The following CRACD variants were observed in gnomAD, a reference collection of about 807,000 sequenced individuals.
The protein encoded by CRACD is capping protein inhibiting regulator of actin dynamics, also known as capping protein-inhibiting regulator of actin dynamics.
In CRACD, 56 loss-of-function variants were observed where a neutral mutation model predicts 106.8. The observed-to-expected ratio is 0.52, with a 90% CI of 0.42 to 0.66. The LOEUF (loss-of-function observed/expected upper bound fraction) is 0.66, where lower values mean the gene tolerates loss of function less well. CRACD is among the 30% of genes least tolerant of loss of function. The pLI, the probability that CRACD is intolerant of heterozygous loss-of-function variation, is 0.00. For synonymous variants in CRACD, 754 were observed against 670.8 expected (o/e 1.12, Z -1.92); for missense variants, 1,730 against 1,623.2 (o/e 1.07, Z -1.13).
chr4:56,074,855 G>A (rs13121643), intron 1 of CRACD, among the ~76,000 whole-genome samples: 54,116 of 151,874 alleles, frequency 0.36, 10,186 homozygotes, highest in African/African-American at 0.48. Context: ...TTTGAGATAC[G>A]TTCCATCAAT....
At chr4:56,117,211 C>G (rs189342605) in intron 1 of CRACD, among the ~76,000 whole-genome samples, 2 of 151,762 alleles carry the variant, frequency 1.3e-5, no homozygotes, top group African/African-American at 4.8e-5. Flanking sequence ...TTAGTAGAGA[C>G]GGGGTTTCAC....
intron 1 of CRACD, among the ~76,000 whole-genome samples, chr4:56,060,746 G>A (rs1399350752): frequency 1.3e-5 from 2 of 152,120 alleles, no homozygotes; most frequent in Admixed American, 6.5e-5. Flanking sequence ...TGGGGCATTT[G>A]GGAGGTGATT....
intron 1 of CRACD, among the ~76,000 whole-genome samples, chr4:56,090,152 TA>T (rs11324878): frequency 0.14 from 19,550 of 140,426 alleles, 1,335 homozygotes; most frequent in East Asian, 0.19. Flanking sequence ...TCCTTTTTTT[TA>T]AAAAAAAAAA....
intron 1 of CRACD, among the ~76,000 whole-genome samples, chr4:56,071,984 C>T (rs913449927): frequency 3.3e-5 from 5 of 151,644 alleles, no homozygotes; most frequent in East Asian, 2.0e-4. Context: ...AAAAATTAGC[C>T]GGGCGTGGTG....
intron 1 of CRACD, among the ~76,000 whole-genome samples, chr4:56,109,102 G>A (rs1734039694): frequency 6.6e-6 from 1 of 152,196 alleles, no homozygotes; most frequent in Admixed American, 6.5e-5. Flanking sequence ...ATTACCGCTT[G>A]ACCAAGGAGC....
intron 5 of CRACD, among the ~76,000 whole-genome samples, chr4:56,308,342 T>A (rs568749746): frequency 6.6e-6 from 1 of 152,042 alleles, no homozygotes; most frequent in Non-Finnish European, 1.5e-5. Context: ...ACTTTGAGCA[T>A]ATCCTGAAAT....
intron 2 of CRACD, among the ~76,000 whole-genome samples, chr4:56,254,313 A>G (rs536099595): frequency 6.6e-6 from 1 of 152,294 alleles, no homozygotes; most frequent in Admixed American, 6.5e-5. Flanking sequence ...AAGAATAGCC[A>G]GACAGGACTG....
At chr4:56,072,608 CTTTT>C (rs112798382) in intron 1 of CRACD, among the ~76,000 whole-genome samples, 9,829 of 151,118 alleles carry the variant, frequency 0.065, 420 homozygotes, top group Admixed American at 0.14. Flanking sequence ...TTCTTTCTTT[CTTTT>C]TTTTTAAGTA....
chr4:56,229,085 G>A (rs574426629), intron 2 of CRACD, among the ~76,000 whole-genome samples: 53 of 152,326 alleles, frequency 3.5e-4, no homozygotes, highest in African/African-American at 1.3e-3. Flanking sequence ...GATGCAGGAA[G>A]ATTATGCTTG....
intron 2 of CRACD, among the ~76,000 whole-genome samples, chr4:56,190,481 AG>A (rs1232227647): frequency 6.6e-6 from 1 of 152,224 alleles, no homozygotes; most frequent in Non-Finnish European, 1.5e-5. Context: ...AGAAATAAAA[AG>A]TATTTCTTGA....
chr4:56,324,541 A>G (rs934026196), intron 10 of CRACD, among the ~76,000 whole-genome samples: 2 of 152,196 alleles, frequency 1.3e-5, no homozygotes, highest in African/African-American at 2.4e-5. Context: ...TCAATTTCTC[A>G]GTGTAAATAC....
intron 6 of CRACD, 60 bp downstream of exon 6, chr4:56,310,794 C>CCT: frequency 1.0e-6 from 1 of 959,968 alleles, no homozygotes; most frequent in Non-Finnish European, 1.6e-6. Context: ...CATCTTCCCC[C>CCT]CCCCTTTTTT....
At chr4:56,261,755 A>C (rs541516) in intron 2 of CRACD, among the ~76,000 whole-genome samples, 37,483 of 152,072 alleles carry the variant, frequency 0.25, 4,750 homozygotes, top group Non-Finnish European at 0.27. Context: ...AAAACTAAAA[A>C]TTGATATGGT....
At chr4:56,307,014 G>T (rs532594711) in intron 4 of CRACD, among the ~76,000 whole-genome samples, 6 of 152,236 alleles carry the variant, frequency 3.9e-5, no homozygotes, top group South Asian at 2.1e-4. Flanking sequence ...CAAGCTAAGG[G>T]CTGGTGAGGA....
chr4:56,238,337 T>C (rs1236866786), intron 2 of CRACD, among the ~76,000 whole-genome samples: 1 of 152,256 alleles, frequency 6.6e-6, no homozygotes, highest in African/African-American at 2.4e-5. Flanking sequence ...TCTCTATATG[T>C]GGTCTCTCTA....
At chr4:56,210,581 T>C (rs376470732) in intron 2 of CRACD, among the ~76,000 whole-genome samples, 1 of 152,204 alleles carries the variant, frequency 6.6e-6, no homozygotes, top group African/African-American at 2.4e-5. Context: ...AGTTTACATC[T>C]CAAAGCACAG....
intron 6 of CRACD, among the ~76,000 whole-genome samples, chr4:56,312,430 T>C (rs919154848): frequency 3.3e-5 from 5 of 152,212 alleles, no homozygotes; most frequent in African/African-American, 1.2e-4. Flanking sequence ...CCCAGAGTGC[T>C]GGGATTACAG....
chr4:56,072,679 A>G (rs1404671389), intron 1 of CRACD, among the ~76,000 whole-genome samples: 1 of 152,036 alleles, frequency 6.6e-6, no homozygotes, highest in Admixed American at 6.5e-5. Flanking sequence ...ATAGGTATAC[A>G]TGTGCCATAG....
chr4:56,148,971 A>G (rs1365408144), intron 1 of CRACD, among the ~76,000 whole-genome samples: 1 of 151,850 alleles, frequency 6.6e-6, no homozygotes, highest in East Asian at 1.9e-4. Context: ...GCCTGCCACC[A>G]CACCCAGCTA....
Sources: gnomAD v4.1 joint callset for allele counts (sites outside exome capture counted in the v4.1 genomes callset) on GRCh38, gnomAD v4.1.1 for gene constraint, MANE v1.5 for transcripts, NCBI Gene and HGNC (gene_info 2026-07-23, HGNC 2026-07-21) for gene names.